HEPACAM2: variants seen among roughly 807,000 people sequenced by gnomAD.
The protein encoded by HEPACAM2 is HEPACAM family member 2.
HEPACAM2 carries 49 observed loss-of-function variants against 49.6 expected under a neutral mutation model. That is an observed-to-expected ratio of 0.99 (90% CI 0.78 to 1.25). The LOEUF is 1.25. Ranked by LOEUF, HEPACAM2 falls within the 50% of genes most tolerant of loss-of-function variation. The pLI, the probability that HEPACAM2 is intolerant of heterozygous loss-of-function variation, is 0.00. For missense variants in HEPACAM2, 525 were observed against 557.2 expected, an observed-to-expected ratio of 0.94 and a Z score of 0.58; for synonymous variants, 197 against 202.9, an observed-to-expected ratio of 0.97 and a Z score of 0.25.
intron 2 of HEPACAM2, among the ~76,000 whole-genome samples, chr7:93,217,684 C>A (rs1341886621): frequency 6.6e-6 from 1 of 151,990 alleles, no homozygotes; most frequent in Non-Finnish European, 1.5e-5. Flanking sequence ...GCACTGAGGA[C>A]AAAGCAGCAA....
intron 4 of HEPACAM2, among the ~76,000 whole-genome samples, chr7:93,202,970 C>G (rs73415316): frequency 6.6e-6 from 1 of 152,254 alleles, no homozygotes; most frequent in East Asian, 1.9e-4. Context: ...CACACATTCT[C>G]TCCTACAGAG....
the HEPACAM2 span, among the ~76,000 whole-genome samples, chr7:93,231,472 G>A: frequency 6.6e-6 from 1 of 152,154 alleles, no homozygotes; most frequent in African/African-American, 2.4e-5. Context: ...GGAACCCACA[G>A]GATTCTTGTG....
At chr7:93,223,874 A>C (rs1319100600) in intron 1 of HEPACAM2, among the ~76,000 whole-genome samples, 2 of 152,152 alleles carry the variant, frequency 1.3e-5, no homozygotes, top group Non-Finnish European at 2.9e-5. Context: ...TTGTAGTGAA[A>C]TTTGGGAATA....
intron 3 of HEPACAM2, among the ~76,000 whole-genome samples, chr7:93,212,120 T>C (rs1468833042): frequency 6.6e-6 from 1 of 152,016 alleles, no homozygotes; most frequent in African/African-American, 2.4e-5. Context: ...GTAGGTTTAA[T>C]TTGTAGAGGA....
chr7:93,197,702 G>A, intron 4 of HEPACAM2, 92 bp from the exon 5 acceptor site: 1 of 860,836 alleles, frequency 1.2e-6, no homozygotes, highest in Non-Finnish European at 1.8e-6. Context: ...AGACGCTATT[G>A]AAAAAAATAT....
chr7:93,196,813 C>G (rs990717430), intron 7 of HEPACAM2, among the ~76,000 whole-genome samples: 2 of 152,130 alleles, frequency 1.3e-5, no homozygotes, highest in Non-Finnish European at 2.9e-5. Flanking sequence ...TGGCCCCTGC[C>G]AAATCTTCTT....
chr7:93,212,311 T>A (rs780420192), intron 3 of HEPACAM2, among the ~76,000 whole-genome samples: 1 of 152,080 alleles, frequency 6.6e-6, no homozygotes, highest in Non-Finnish European at 1.5e-5. Flanking sequence ...ATTGGCATAA[T>A]TTTTTCTCTT....
chr7:93,217,469 A>G (rs190766495), intron 2 of HEPACAM2, among the ~76,000 whole-genome samples: 1 of 152,328 alleles, frequency 6.6e-6, no homozygotes, highest in East Asian at 1.9e-4. Context: ...GGATTCTATT[A>G]GGAGGGAGAC....
chr7:93,230,465 G>C (rs907404266), upstream of HEPACAM2, among the ~76,000 whole-genome samples: 3 of 152,120 alleles, frequency 2.0e-5, no homozygotes, highest in Non-Finnish European at 4.4e-5. Context: ...TGAACAGTCA[G>C]GTTTGAGATC....
intron 9 of HEPACAM2, among the ~76,000 whole-genome samples, chr7:93,190,839 T>A (rs894138894): frequency 6.6e-6 from 1 of 152,008 alleles, no homozygotes; most frequent in African/African-American, 2.4e-5. Flanking sequence ...GTTCTTAAAT[T>A]GTAGCTGCCA....
intron 1 of HEPACAM2, 28 bp from the exon 2 acceptor site, chr7:93,219,479 A>G (rs1448082168): frequency 1.2e-6 from 2 of 1,612,880 alleles, no homozygotes; most frequent in Admixed American, 1.7e-5. Flanking sequence ...AAAGTTGTGA[A>G]GACCTTGAGC....
upstream of HEPACAM2, among the ~76,000 whole-genome samples, chr7:93,230,633 A>G (rs1352101262): frequency 6.6e-6 from 1 of 152,236 alleles, no homozygotes; most frequent in African/African-American, 2.4e-5. Context: ...TTTATAGGCT[A>G]ATATGGCTGG....
rs778833081 is a variant in HEPACAM2 at position 93,208,573 on chromosome 7, C to T, written c.1012+7G>A. 4 of 1,608,892 alleles carry T rather than the reference C, an allele frequency of 2.5e-6. No individual in the cohort carries two copies. The highest frequency in any genetic ancestry group is 3.4e-6 in the Non-Finnish European group (4 of 1,176,750). On this transcript the variant is annotated splice_region_variant and intron_variant, in intron 4 of 9. Transcript: ENST00000394468. The stretch of plus-strand genomic sequence containing the variant: ...ATTAGGATCCCTTCCTTGTATGTCA[C>T]ACATACCTACGGAAGTGATGATAAC...
Position 93,192,325 on chromosome 7 carries a change from C to T in HEPACAM2, c.1314G>A (p.Ser438=), listed in dbSNP as rs746554692. ...SRSVPASDCV[S]GQDLHSTVYE... is the part of the protein sequence containing the mutation. ...ACACTGTACTGTGCAAATCTTGCCC[C>T]GATACACAATCAGAGGCTGGAACAG... is the stretch of plus-strand genomic sequence containing the variant. Residue 438 remains serine, a synonymous_variant, in exon 9 of 10, where the codon TCG becomes TCA. Coordinates refer to ENST00000394468, the MANE Select transcript of HEPACAM2 (RefSeq NM_001039372.4). The T allele has an allele frequency of 3.7e-5, 59 of 1,612,414 alleles. No homozygotes were observed. Among genetic ancestry groups the T allele is most frequent in the Admixed American group, 8.4e-5 (5 of 59,858 alleles).
upstream of HEPACAM2, among the ~76,000 whole-genome samples, chr7:93,229,013 T>C (rs569717353): frequency 2.6e-5 from 4 of 152,366 alleles, no homozygotes; most frequent in East Asian, 7.7e-4. Context: ...GTCTGCTGCA[T>C]GCATTTCAAA....
intron 1 of HEPACAM2, chr7:93,225,941 T>C: frequency 1.4e-6 from 2 of 1,380,954 alleles, no homozygotes; most frequent in Middle Eastern, 1.8e-4. Context: ...GTAAACAGTT[T>C]GCAACAATAT....
chr7:93,197,926 C>A (rs42512), intron 4 of HEPACAM2, among the ~76,000 whole-genome samples: 72,045 of 151,874 alleles, frequency 0.47, 21,097 homozygotes, highest in Non-Finnish European at 0.64. Context: ...TGTTTCATCT[C>A]ATTGTCTCTA....
chr7:93,218,635 C>T (rs555082631), intron 2 of HEPACAM2, among the ~76,000 whole-genome samples: 1 of 151,990 alleles, frequency 6.6e-6, no homozygotes, highest in African/African-American at 2.4e-5. Context: ...TAGCTGACCC[C>T]ACTCCTCCTC....
chr7:93,195,140 G>A (rs576399292), intron 8 of HEPACAM2, among the ~76,000 whole-genome samples: 84 of 151,984 alleles, frequency 5.5e-4, no homozygotes, highest in Non-Finnish European at 1.0e-3. Flanking sequence ...GAAAACTGAG[G>A]AACAGAGAGA....
Sources: allele counts gnomAD v4.1 joint callset (sites outside exome capture counted in the v4.1 genomes callset), GRCh38; gene constraint gnomAD v4.1.1; transcripts MANE v1.5; gene names NCBI Gene and HGNC (gene_info 2026-07-23, HGNC 2026-07-21).